ALDH1A2: variants seen among roughly 807,000 people sequenced by gnomAD.
ALDH1A2 encodes the protein retinal dehydrogenase 2.
Under a neutral mutation model 60.3 loss-of-function variants are expected in ALDH1A2, and 27 were observed. The ratio of observed to expected loss-of-function variants is 0.45; its 90% confidence interval spans 0.33 to 0.62. The LOEUF (loss-of-function observed/expected upper bound fraction) is 0.62. Among genes scored for constraint, ALDH1A2 ranks in the 20% least tolerant of loss-of-function variants. The pLI is 0.02. For synonymous variants in ALDH1A2, 289 were observed against 232.4 expected (o/e 1.24, Z -2.21); for missense variants, 581 against 643.8 (o/e 0.90, Z 1.06).
At chr15:57,956,668 C>A (rs745342839) in intron 12 of ALDH1A2, among the ~76,000 whole-genome samples, 18 of 152,206 alleles carry the variant, frequency 1.2e-4, no homozygotes, top group Admixed American at 2.6e-4. Flanking sequence ...TCCACTCAGT[C>A]TCGGAGTCTC....
intron 12 of ALDH1A2, among the ~76,000 whole-genome samples, chr15:57,956,049 CCACACTTAT>C (rs1183276038): frequency 6.6e-6 from 1 of 152,234 alleles, no homozygotes; most frequent in African/African-American, 2.4e-5. Flanking sequence ...ACCTCAACCA[CCACACTTAT>C]CACACTGGGA....
intron 7 of ALDH1A2, among the ~76,000 whole-genome samples, chr15:57,975,498 T>C (rs1894217691): frequency 6.6e-6 from 1 of 152,186 alleles, no homozygotes; most frequent in Admixed American, 6.5e-5. Context: ...AGCACCCCGA[T>C]CTGGAAATCC....
Position 57,961,312 on chromosome 15 carries a change from G to A in ALDH1A2, c.1252-18C>T. 6.2e-7 allele frequency: 1 copy of A among 1,612,504 alleles called. No individual in the cohort carries two copies. Among genetic ancestry groups the A allele is most frequent in the South Asian group, 1.1e-5 (1 of 90,970 alleles). ...CCAAAGATCTGCAAAAAGATAATAT[G>A]ACTCAACATGGTTGCTCTGTCATTC... On this transcript the variant is annotated intron_variant, in intron 10 of 12. Transcript: ENST00000249750.
At chr15:58,052,332 TAGTC>T (rs1466393608) in intron 1 of ALDH1A2, among the ~76,000 whole-genome samples, 3 of 152,248 alleles carry the variant, frequency 2.0e-5, no homozygotes, top group African/African-American at 7.2e-5. Flanking sequence ...GAGTTCTAAT[TAGTC>T]AGGGTGGGGT....
At chr15:58,035,158 ATTTC>A (rs1199294258) in intron 1 of ALDH1A2, among the ~76,000 whole-genome samples, 1 of 151,558 alleles carries the variant, frequency 6.6e-6, no homozygotes, top group Non-Finnish European at 1.5e-5. Context: ...ATTCATACAT[ATTTC>A]TCTTTGAGTT....
At chr15:57,988,036 C>A (rs1264123711) in intron 7 of ALDH1A2, among the ~76,000 whole-genome samples, 1 of 152,052 alleles carries the variant, frequency 6.6e-6, no homozygotes. Context: ...GGGCCTACAA[C>A]ACAAACAAGG....
chr15:57,972,986 C>CACTT (rs1284477808), intron 7 of ALDH1A2, among the ~76,000 whole-genome samples: 3 of 152,120 alleles, frequency 2.0e-5, no homozygotes, highest in African/African-American at 7.2e-5. Context: ...ACATTTATCT[C>CACTT]ACTTAGGAAA....
chr15:58,054,710 C>T (rs1303832204), intron 1 of ALDH1A2, among the ~76,000 whole-genome samples: 1 of 152,070 alleles, frequency 6.6e-6, no homozygotes, highest in East Asian at 1.9e-4. Context: ...CATCCTCCCT[C>T]CCAAGTCAAT....
rs561022176 is a variant in ALDH1A2 at position 58,020,839 on chromosome 15, G to A, written c.118-6558C>T. 5.9e-5 allele frequency among the ~76,000 whole-genome samples: 9 copies of A among 152,210 alleles called. No homozygotes were observed. In the East Asian group the frequency reaches 1.4e-3, roughly 23 times the overall value. On this transcript the variant is annotated intron_variant, in intron 1 of 12. Transcript: ENST00000249750. Reference sequence around the variant, plus strand: ...TGTTTGTACTATGATCACTGAGAAAGCCATGCTGAAATTTCCCATGGTGGT... The same window carrying A: ...TGTTTGTACTATGATCACTGAGAAAACCATGCTGAAATTTCCCATGGTGGT...
chr15:58,050,663 C>G (rs1437272915), intron 1 of ALDH1A2, among the ~76,000 whole-genome samples: 1 of 152,118 alleles, frequency 6.6e-6, no homozygotes, highest in Admixed American at 6.6e-5. Flanking sequence ...ATATTAATTT[C>G]CAGTTTATAA....
intron 7 of ALDH1A2, among the ~76,000 whole-genome samples, chr15:57,973,164 A>C (rs1326620108): frequency 6.6e-6 from 1 of 152,212 alleles, no homozygotes; most frequent in Non-Finnish European, 1.5e-5. Context: ...GAGTAAAGAA[A>C]ACACTATACC....
chr15:57,992,891 T>C (rs923195051), intron 6 of ALDH1A2, 54 bp downstream of exon 6: 1 of 1,613,692 alleles, frequency 6.2e-7, no homozygotes, highest in Non-Finnish European at 8.5e-7. Flanking sequence ...TATGCTCTAG[T>C]AGGCTCCAGC....
chr15:57,988,146 T>C (rs541450956), intron 7 of ALDH1A2, among the ~76,000 whole-genome samples: 2 of 152,176 alleles, frequency 1.3e-5, no homozygotes, highest in African/African-American at 2.4e-5. Flanking sequence ...CAATGTATTG[T>C]GGGGCATATA....
intron 1 of ALDH1A2, among the ~76,000 whole-genome samples, chr15:58,063,241 A>T (rs373525583): frequency 6.6e-6 from 1 of 152,206 alleles, no homozygotes; most frequent in Non-Finnish European, 1.5e-5. Context: ...AAAAAACAAT[A>T]ACATATTGTC....
chr15:57,970,449 G>A (rs1032670503), intron 7 of ALDH1A2, among the ~76,000 whole-genome samples: 4 of 152,226 alleles, frequency 2.6e-5, no homozygotes, highest in African/African-American at 7.2e-5. Context: ...TTGATATCAG[G>A]AGTATCCCTG....
intron 5 of ALDH1A2, 110 bp downstream of exon 5, chr15:57,994,968 T>C: frequency 9.3e-7 from 1 of 1,073,002 alleles, no homozygotes; most frequent in African/African-American, 1.6e-5. Flanking sequence ...AGCTCAGTTT[T>C]TTTTCCTCCA....
At chr15:57,967,008 A>G (rs1893917723) in intron 7 of ALDH1A2, among the ~76,000 whole-genome samples, 1 of 152,118 alleles carries the variant, frequency 6.6e-6, no homozygotes, top group East Asian at 1.9e-4. Context: ...TGTTCCTGAA[A>G]TTTTCCTGAA....
At chr15:58,041,689 C>T (rs1369252581) in intron 1 of ALDH1A2, among the ~76,000 whole-genome samples, 3 of 151,892 alleles carry the variant, frequency 2.0e-5, no homozygotes, top group Non-Finnish European at 2.9e-5. Context: ...CTAATCAATT[C>T]CCAAAGTTCT....
chr15:57,974,444 A>AG (rs1395405596), intron 7 of ALDH1A2, among the ~76,000 whole-genome samples: 1 of 151,606 alleles, frequency 6.6e-6, no homozygotes, highest in Non-Finnish European at 1.5e-5. Flanking sequence ...AAAAAAAAAA[A>AG]AAAAAAAAAG....
Sources: gnomAD v4.1 joint callset for allele counts (sites outside exome capture counted in the v4.1 genomes callset) on GRCh38, gnomAD v4.1.1 for gene constraint, MANE v1.5 for transcripts, NCBI Gene and HGNC (gene_info 2026-07-23, HGNC 2026-07-21) for gene names.